METTL15: variants seen among roughly 807,000 people sequenced by gnomAD.
METTL15 encodes 12S rRNA N(4)-cytidine methyltransferase METTL15.
A neutral mutation model predicts 38.3 loss-of-function variants in METTL15; 34 were observed. That is an observed-to-expected ratio of 0.89 (90% CI 0.68 to 1.18). METTL15 has a LOEUF of 1.18. Ranked by LOEUF, METTL15 falls within the 50% of genes most tolerant of loss-of-function variation. The pLI is 0.00. For missense variants in METTL15, 438 were observed against 498.4 expected, an observed-to-expected ratio of 0.88 and a Z score of 1.15; for synonymous variants, 162 against 170.9, an observed-to-expected ratio of 0.95 and a Z score of 0.41.
intron 4 of METTL15, among the ~76,000 whole-genome samples, chr11:28,275,962 C>T (rs1164211048): frequency 6.6e-6 from 1 of 151,936 alleles, no homozygotes; most frequent in Non-Finnish European, 1.5e-5. Context: ...TACTAAGTGC[C>T]ATATATTACA....
At chr11:28,294,073 C>T (rs1166254060) in intron 5 of METTL15, among the ~76,000 whole-genome samples, 3 of 152,126 alleles carry the variant, frequency 2.0e-5, no homozygotes, top group Non-Finnish European at 2.9e-5. Flanking sequence ...ATTGCCCTGA[C>T]GAGAACTTCC....
chr11:28,265,112 G>A (rs1219368278), intron 4 of METTL15, among the ~76,000 whole-genome samples: 2 of 151,980 alleles, frequency 1.3e-5, no homozygotes, highest in African/African-American at 2.4e-5. Context: ...GTGTGTAAAT[G>A]CAAATTATGA....
intron 6 of METTL15, among the ~76,000 whole-genome samples, chr11:28,448,294 A>G (rs910903127): frequency 6.6e-6 from 1 of 152,192 alleles, no homozygotes; most frequent in African/African-American, 2.4e-5. Context: ...TTCCTGCTGC[A>G]TGAATAGATC....
In METTL15 at chr11:28,380,219, G is replaced by T. The variant is rs554072502; in HGVS notation, c.*358+18183G>T. Among the ~76,000 whole-genome samples, 14 of 145,128 alleles carry T rather than the reference G, an allele frequency of 9.6e-5. No individual in the cohort carries two copies. The East Asian group carries it at 2.4e-3, about 25-fold the overall frequency. On this transcript the variant is annotated intron_variant and NMD_transcript_variant, in intron 5 of 7. Coordinates refer to the METTL15 transcript ENST00000532947. ...GTCTCACTCTGTTGCCCAGGCTGGAGTACAGTGGCACAATCTCGGCTCACT... is the reference window on the plus strand; with the variant it reads ...GTCTCACTCTGTTGCCCAGGCTGGATTACAGTGGCACAATCTCGGCTCACT...
At chr11:28,302,419 C>T (rs1856943637) in intron 6 of METTL15, among the ~76,000 whole-genome samples, 1 of 152,090 alleles carries the variant, frequency 6.6e-6, no homozygotes, top group Non-Finnish European at 1.5e-5. Flanking sequence ...TCTTGTAGCT[C>T]GCATAATTCC....
At chr11:28,259,465 TC>T (rs1281815782) in intron 4 of METTL15, among the ~76,000 whole-genome samples, 1 of 152,138 alleles carries the variant, frequency 6.6e-6, no homozygotes, top group East Asian at 1.9e-4. Context: ...GGAGTTGCAG[TC>T]CTTGTGGCAC....
chr11:28,341,238 G>T (rs1403466960), intron 3 of METTL15, among the ~76,000 whole-genome samples: 9 of 152,140 alleles, frequency 5.9e-5, no homozygotes, highest in Admixed American at 5.9e-4. Context: ...GTTGATGGAT[G>T]CAACAAACCA....
chr11:28,492,124 G>GT, intron 6 of METTL15, among the ~76,000 whole-genome samples: 1 of 152,238 alleles, frequency 6.6e-6, no homozygotes, highest in African/African-American at 2.4e-5. Flanking sequence ...AGAACAAGAT[G>GT]TTTTTTGCTA....
chr11:28,446,161 C>T (rs566802868), intron 6 of METTL15, among the ~76,000 whole-genome samples: 1 of 152,118 alleles, frequency 6.6e-6, no homozygotes, highest in East Asian at 1.9e-4. Context: ...GGGGTGAAGG[C>T]CGTAGGGTGG....
intron 4 of METTL15, among the ~76,000 whole-genome samples, chr11:28,226,333 A>G (rs993275658): frequency 1.3e-5 from 2 of 151,978 alleles, no homozygotes; most frequent in Admixed American, 6.6e-5. Flanking sequence ...AGTGATTTAT[A>G]CAATTTGAAC....
At chr11:28,334,449 G>A (rs2134070018), downstream of METTL15, among the ~76,000 whole-genome samples, 1 of 151,870 alleles carries the variant, frequency 6.6e-6, no homozygotes, top group African/African-American at 2.4e-5. Flanking sequence ...TGATATTTTT[G>A]TGTAGCAGCA....
chr11:28,391,607 C>A (rs551739262), intron 5 of METTL15, among the ~76,000 whole-genome samples: 8 of 152,170 alleles, frequency 5.3e-5, no homozygotes, highest in African/African-American at 7.2e-5. Context: ...GTACTGGTAC[C>A]AAAACAGAGA....
At chr11:28,429,271 AAAG>A (rs1208338038) in intron 6 of METTL15, among the ~76,000 whole-genome samples, 1 of 152,184 alleles carries the variant, frequency 6.6e-6, no homozygotes, top group Non-Finnish European at 1.5e-5. Flanking sequence ...GATGACAATT[AAAG>A]AAGATCGAAA....
At chr11:28,458,336 G>T (rs1320080122) in intron 6 of METTL15, among the ~76,000 whole-genome samples, 1 of 151,936 alleles carries the variant, frequency 6.6e-6, no homozygotes, top group Non-Finnish European at 1.5e-5. Context: ...TAAATACTAG[G>T]GGGTTGTGAT....
intron 3 of METTL15, among the ~76,000 whole-genome samples, chr11:28,141,635 C>A (rs910978552): frequency 3.3e-5 from 5 of 152,102 alleles, no homozygotes; most frequent in Non-Finnish European, 7.4e-5. Flanking sequence ...CTGCAGTGAA[C>A]TGAGATCCCA....
downstream of METTL15, among the ~76,000 whole-genome samples, chr11:28,530,177 T>C (rs1003620574): frequency 6.6e-6 from 1 of 152,140 alleles, no homozygotes. Flanking sequence ...TCTAAAGATC[T>C]ATGCCTGTTG....
intron 3 of METTL15, among the ~76,000 whole-genome samples, chr11:28,174,024 A>G (rs142554380): frequency 2.0e-5 from 3 of 152,286 alleles, no homozygotes; most frequent in Non-Finnish European, 4.4e-5. Context: ...AGATTTCTCC[A>G]TTGTAAAGTT....
intron 3 of METTL15, among the ~76,000 whole-genome samples, chr11:28,176,448 GCC>G (rs1851078742): frequency 6.6e-6 from 1 of 152,138 alleles, no homozygotes; most frequent in South Asian, 2.1e-4. Flanking sequence ...TACTAGCTAT[GCC>G]CTTGGGCATG....
chr11:28,429,972 C>A (rs1177416827), intron 6 of METTL15, among the ~76,000 whole-genome samples: 1 of 131,208 alleles, frequency 7.6e-6, no homozygotes, highest in African/African-American at 2.9e-5. Context: ...GCCCGGCCGC[C>A]CATCGTCTGA....
Sources: gnomAD v4.1 joint callset for allele counts (sites outside exome capture counted in the v4.1 genomes callset) on GRCh38, gnomAD v4.1.1 for gene constraint, MANE v1.5 for transcripts, NCBI Gene and HGNC (gene_info 2026-07-23, HGNC 2026-07-21) for gene names.